The following ATP5MC2 variants were observed in gnomAD, a reference collection of about 807,000 sequenced individuals.
ATP5MC2 encodes ATP synthase F(0) complex subunit C2, mitochondrial.
A neutral mutation model predicts 13.5 loss-of-function variants in ATP5MC2; 11 were observed. The ratio of observed to expected loss-of-function variants is 0.81; its 90% CI spans 0.51 to 1.35. The LOEUF is 1.35. ATP5MC2 is among the 40% of genes most tolerant of loss of function. ATP5MC2 has a pLI of 0.00. For synonymous variants in ATP5MC2, 64 were observed against 69.7 expected (o/e 0.92, Z 0.41); for missense variants, 132 against 175.0 (o/e 0.75, Z 1.39).
At chr12:53,667,811 C>T (rs1944962231) in intron 4 of ATP5MC2, among the ~76,000 whole-genome samples, 1 of 151,726 alleles carries the variant, frequency 6.6e-6, no homozygotes, top group African/African-American at 2.4e-5. Flanking sequence ...TTATTTTTAG[C>T]TCAATCATAC....
upstream of ATP5MC2, among the ~76,000 whole-genome samples, chr12:53,679,763 T>C (rs1488286860): frequency 1.3e-5 from 2 of 152,226 alleles, no homozygotes; most frequent in African/African-American, 4.8e-5. Flanking sequence ...ATATATTTTC[T>C]ACTTTTCCTT....
chr12:53,674,078 G>T (rs189396155), intron 1 of ATP5MC2: 5 of 152,356 alleles, frequency 3.3e-5, no homozygotes, highest in Non-Finnish European at 7.3e-5. Flanking sequence ...GCTAGGTTCA[G>T]TGGCTCATTC....
At chr12:53,667,435 GT>G (rs1206034843) in intron 4 of ATP5MC2, among the ~76,000 whole-genome samples, 3 of 152,144 alleles carry the variant, frequency 2.0e-5, no homozygotes, top group African/African-American at 7.2e-5. Context: ...ATAATTTTAG[GT>G]TTTGTGGGCC....
At chr12:53,679,167 A>C (rs191963002), upstream of ATP5MC2, among the ~76,000 whole-genome samples, 13 of 152,146 alleles carry the variant, frequency 8.5e-5, no homozygotes, top group Admixed American at 3.3e-4. Context: ...TAGAGCAGAA[A>C]AATCAAGATA....
intron 4 of ATP5MC2, 44 bp from the exon 5 acceptor site, chr12:53,665,472 A>C: frequency 6.9e-7 from 1 of 1,447,284 alleles, no homozygotes; most frequent in South Asian, 1.1e-5. Context: ...TAGTTCACAC[A>C]AAGAAAAGGA....
intron 1 of ATP5MC2, chr12:53,673,915 T>A (rs1353158038): frequency 6.5e-6 from 1 of 154,338 alleles, no homozygotes; most frequent in African/African-American, 2.4e-5. Context: ...TGAACTTACC[T>A]CAAACAGAAG....
At chr12:53,675,954 T>G (rs1359463514) in intron 1 of ATP5MC2, 99 bp downstream of exon 1, 2 of 1,498,178 alleles carry the variant, frequency 1.3e-6, no homozygotes, top group Non-Finnish European at 1.8e-6. Flanking sequence ...AGGACCAGGG[T>G]GGGAGCACGC....
intron 4 of ATP5MC2, among the ~76,000 whole-genome samples, chr12:53,667,980 T>TATATATAA (rs1944978590): frequency 3.2e-5 from 2 of 62,124 alleles, no homozygotes; most frequent in South Asian, 8.5e-4. Flanking sequence ...TATATATATA[T>TATATATAA]ATATATATAT....
intron 3 of ATP5MC2, 32 bp from the exon 4 acceptor site, chr12:53,669,373 T>C (rs1945027241): frequency 6.3e-7 from 1 of 1,594,036 alleles, no homozygotes; most frequent in Non-Finnish European, 8.6e-7. Context: ...AAGGTAAAGT[T>C]TTTTGCTTTG....
chr12:53,680,302 G>C (rs1945333927), upstream of ATP5MC2, among the ~76,000 whole-genome samples: 1 of 152,116 alleles, frequency 6.6e-6, no homozygotes, highest in South Asian at 2.1e-4. Context: ...AATATTTATT[G>C]AGCATCTGCT....
In ATP5MC2 at chr12:53,669,865, AG is replaced by A; in HGVS notation, c.117+5del. On this transcript the variant is annotated splice_donor_5th_base_variant and intron_variant, in intron 3 of 4. Coordinates refer to ENST00000394349, the MANE Select transcript of ATP5MC2 (RefSeq NM_005176.7). ...AAACCACAGTCCCAACTCCACTGTA[AG>A]GTACCTCATCTGTCAGTATCTCCGG... 6.2e-7 allele frequency: 1 copy of A among 1,613,702 alleles called. No homozygotes were observed. Among genetic ancestry groups the A allele is most frequent in the East Asian group, 2.2e-5 (1 of 44,890 alleles).
chr12:53,675,085 A>G (rs1335828129), intron 1 of ATP5MC2, among the ~76,000 whole-genome samples: 2 of 152,238 alleles, frequency 1.3e-5, no homozygotes, highest in African/African-American at 4.8e-5. Context: ...CTATCTAACC[A>G]TGGCAACTCT....
In ATP5MC2 at chr12:53,667,168, A is replaced by G. The variant is rs144641931; in HGVS notation, c.312-1740T>C. On this transcript the variant is annotated intron_variant, in intron 4 of 4. Transcript: ENST00000394349. The stretch of plus-strand genomic sequence containing the variant: ...TTGTTTAATACAAATTCTTAAAAAG[A>G]ACTCTATTTCTCAAAAGACATTAAG... Among the ~76,000 whole-genome samples the G allele has an allele frequency of 2.6e-5, 4 of 152,310 alleles. No individual in the cohort carries two copies. In the East Asian group the frequency reaches 7.7e-4, roughly 29 times the overall value.
upstream of ATP5MC2, among the ~76,000 whole-genome samples, chr12:53,679,935 A>T (rs1945332630): frequency 6.6e-6 from 1 of 152,140 alleles, no homozygotes; most frequent in South Asian, 2.1e-4. Context: ...ATGACCAAAA[A>T]CATTTTTGCT....
chr12:53,672,410 T>C (rs1463438480), intron 2 of ATP5MC2, among the ~76,000 whole-genome samples, 166 bp downstream of exon 2: 1 of 151,990 alleles, frequency 6.6e-6, no homozygotes, highest in Non-Finnish European at 1.5e-5. Context: ...TTAGTAGAGA[T>C]GGGGTTTCGC....
chr12:53,670,231 C>A, intron 2 of ATP5MC2: 1 of 417,382 alleles, frequency 2.4e-6, no homozygotes, highest in Non-Finnish European at 4.5e-6. Flanking sequence ...TTTTATAGCT[C>A]TTGAGAACAA....
Position 53,669,967 on chromosome 12 carries a change from A to C in ATP5MC2, c.40-19T>G. 1 of 1,612,484 alleles carries C rather than the reference A, an allele frequency of 6.2e-7. No individual in the cohort carries two copies. Among genetic ancestry groups the C allele is most frequent in the Non-Finnish European group, 8.5e-7 (1 of 1,178,640 alleles). On this transcript the variant is annotated intron_variant, in intron 2 of 4. Coordinates refer to ENST00000394349, the MANE Select transcript of ATP5MC2 (RefSeq NM_005176.7). ...TCTTGACCTAGCAGGAATGACATAC[A>C]GGGGCAGGAAGGTCAAGGAAGACTG...
At chr12:53,672,897 G>T in intron 1 of ATP5MC2, 1 of 407,078 alleles carries the variant, frequency 2.5e-6, no homozygotes, top group African/African-American at 2.1e-5. Flanking sequence ...GGTAAGACCT[G>T]TTACCCATTT....
At chr12:53,673,629 C>T (rs1180337216) in intron 1 of ATP5MC2, 1 of 154,272 alleles carries the variant, frequency 6.5e-6, no homozygotes. Context: ...CGAGACCAGG[C>T]TGACCAACAT....
Sources: gnomAD v4.1 joint callset for allele counts (sites outside exome capture counted in the v4.1 genomes callset) on GRCh38, gnomAD v4.1.1 for gene constraint, MANE v1.5 for transcripts, NCBI Gene and HGNC (gene_info 2026-07-23, HGNC 2026-07-21) for gene names.